Variants in STK4 observed in about 807,000 individuals in gnomAD.
The protein encoded by STK4 is serine/threonine-protein kinase 4.
A neutral mutation model predicts 64.9 loss-of-function variants in STK4; 30 were observed. The ratio of observed to expected loss-of-function variants is 0.46; its 90% confidence interval spans 0.35 to 0.63. The LOEUF (loss-of-function observed/expected upper bound fraction) is 0.63, where lower values mean the gene tolerates loss of function less well. Among genes scored for constraint, STK4 ranks in the 20% least tolerant of loss-of-function variants. The pLI is 0.01. For missense variants in STK4, 466 were observed against 598.5 expected (o/e 0.78, Z 2.31); for synonymous variants, 177 against 199.0 (o/e 0.89, Z 0.93).
chr20:45,045,744 T>C (rs772945143), intron 10 of STK4, among the ~76,000 whole-genome samples: 12 of 152,222 alleles, frequency 7.9e-5, no homozygotes, highest in Non-Finnish European at 1.6e-4. Flanking sequence ...CTTTCTTATT[T>C]ACTTTCTAAT....
chr20:44,975,188 C>G (rs1205884384), intron 2 of STK4: 2 of 191,948 alleles, frequency 1.0e-5, no homozygotes, highest in South Asian at 1.8e-4. Flanking sequence ...ATGTAAAACA[C>G]CTACTTCTCC....
At chr20:44,988,575 A>G (rs2067579101) in intron 5 of STK4, among the ~76,000 whole-genome samples, 1 of 139,334 alleles carries the variant, frequency 7.2e-6, no homozygotes, top group African/African-American at 2.7e-5. Flanking sequence ...ATATGTATCC[A>G]TTCCATTTAC....
intron 10 of STK4, among the ~76,000 whole-genome samples, chr20:45,026,706 G>T (rs759937694): frequency 3.3e-5 from 5 of 152,150 alleles, no homozygotes; most frequent in Non-Finnish European, 7.3e-5. Context: ...TATTCTAGTT[G>T]CTGTATTAAT....
At chr20:45,061,523 TATC>T (rs2145461089) in intron 10 of STK4, among the ~76,000 whole-genome samples, 1 of 152,310 alleles carries the variant, frequency 6.6e-6, no homozygotes, top group South Asian at 2.1e-4. Context: ...GCATCTTGGT[TATC>T]ATAAAGACTG....
intron 10 of STK4, among the ~76,000 whole-genome samples, chr20:45,072,867 A>G (rs556307477): frequency 6.6e-6 from 1 of 152,382 alleles, no homozygotes; most frequent in Non-Finnish European, 1.5e-5. Flanking sequence ...AACAACAGTG[A>G]TAACATCCAT....
intron 5 of STK4, among the ~76,000 whole-genome samples, chr20:44,992,126 A>G (rs2067645907): frequency 6.6e-6 from 1 of 152,006 alleles, no homozygotes; most frequent in South Asian, 2.1e-4. Flanking sequence ...ATAAGTTTCC[A>G]AATTTTATAT....
intron 3 of STK4, among the ~76,000 whole-genome samples, chr20:44,979,350 T>A (rs988988919): frequency 2.0e-5 from 3 of 152,160 alleles, no homozygotes; most frequent in South Asian, 2.1e-4. Flanking sequence ...TTAAAAAAAA[T>A]TATTCTAGCT....
intron 10 of STK4, among the ~76,000 whole-genome samples, chr20:45,035,067 AGT>A (rs1482502990): frequency 3.3e-5 from 5 of 152,174 alleles, no homozygotes; most frequent in Non-Finnish European, 7.3e-5. Flanking sequence ...ATTATATATG[AGT>A]GTATTATATA....
intron 10 of STK4, among the ~76,000 whole-genome samples, chr20:45,051,584 G>C (rs1024378575): frequency 3.9e-5 from 6 of 152,040 alleles, no homozygotes; most frequent in Non-Finnish European, 2.9e-5. Flanking sequence ...TTGTTGTGCT[G>C]GTATGTTTTC....
chr20:45,064,378 G>GT (rs368413962), intron 10 of STK4, among the ~76,000 whole-genome samples: 1,506 of 144,842 alleles, frequency 0.01, 20 homozygotes, highest in African/African-American at 0.033. Flanking sequence ...CTGCAGCTTT[G>GT]TTTTTTTTTT....
intron 9 of STK4, among the ~76,000 whole-genome samples, chr20:45,011,733 T>TATATATATATATA (rs1568719803): frequency 2.3e-5 from 2 of 87,748 alleles, no homozygotes; most frequent in Non-Finnish European, 4.4e-5. Context: ...ATATATATTT[T>TATATATATATATA]TTTTTTTTTT....
chr20:45,005,589 A>G (rs892752845), intron 9 of STK4, among the ~76,000 whole-genome samples: 5 of 146,752 alleles, frequency 3.4e-5, no homozygotes, highest in Admixed American at 6.9e-5. Context: ...CGGAGGTTGC[A>G]GTGAACCGAG....
chr20:44,995,156 G>C lies in STK4; in HGVS notation c.592G>C (p.Glu198Gln), dbSNP rs765887990. The C allele has an allele frequency of 6.2e-7, 1 of 1,613,952 alleles. No homozygotes were observed. The highest frequency in any genetic ancestry group is 1.7e-5 in the Admixed American group (1 of 60,008). ...PFWMAPEVIQEIGYNCVADIW... is the reference protein window; with the variant it reads ...PFWMAPEVIQQIGYNCVADIW... ...TTGGATGGCTCCAGAAGTGATTCAG[G>C]AAATTGGATACAACTGTGTAGCAGA... is the stretch of plus-strand genomic sequence containing the variant. Residue 198 changes from glutamate to glutamine, a missense_variant, in exon 6 of 11, where the codon GAA becomes CAA. Around this residue, in one of 2 missense-constraint regions of STK4, gnomAD observed 190 missense variants for 289.7 expected, o/e 0.66. Transcript: ENST00000372806.
At chr20:44,989,319 G>T (rs1454663097) in intron 5 of STK4, among the ~76,000 whole-genome samples, 1 of 152,122 alleles carries the variant, frequency 6.6e-6, no homozygotes, top group Admixed American at 6.5e-5. Context: ...GTATGAGGCA[G>T]TATCTCTTTG....
rs112550989 is a variant in STK4 at position 45,055,820 on chromosome 20, C to T, written c.1306-19198C>T. Among the ~76,000 whole-genome samples, 671 of 151,700 alleles carry T rather than the reference C, an allele frequency of 4.4e-3. 5 individuals are homozygous for T. Among genetic ancestry groups the T allele is most frequent in the African/African-American group, 0.016 (650 of 41,294 alleles). Reference sequence around the variant, plus strand: ...TGATCTTGGCTCACTGCAATCTTTGCCTCCCAGGTTCAAGCAATTCTCCTG... The same window carrying T: ...TGATCTTGGCTCACTGCAATCTTTGTCTCCCAGGTTCAAGCAATTCTCCTG... On this transcript the variant is annotated intron_variant, in intron 10 of 10. Transcript: ENST00000372806.
At chr20:45,048,181 C>T (rs2068724749) in intron 10 of STK4, among the ~76,000 whole-genome samples, 1 of 152,140 alleles carries the variant, frequency 6.6e-6, no homozygotes, top group South Asian at 2.1e-4. Context: ...GACTTGGATC[C>T]ATTGCTGGTT....
chr20:45,004,341 C>T (rs1378012780), intron 9 of STK4: 2 of 152,254 alleles, frequency 1.3e-5, no homozygotes, highest in African/African-American at 4.8e-5. Flanking sequence ...AGTGATTCCC[C>T]CATCTTGGCC....
At chr20:44,988,533 G>GTGTGTATATATATATATATATA (rs1221720136) in intron 5 of STK4, among the ~76,000 whole-genome samples, 2 of 101,584 alleles carry the variant, frequency 2.0e-5, no homozygotes, top group African/African-American at 9.5e-5. Flanking sequence ...ATGTGTGTGT[G>GTGTGTATATATATATATATATA]TATATATATA....
At chr20:44,982,095 C>CTGTCTCTCTCTCTCTCTCT in intron 4 of STK4, 152 bp downstream of exon 4, 1 of 518,896 alleles carries the variant, frequency 1.9e-6, no homozygotes, top group Non-Finnish European at 3.5e-6. Context: ...TTTTATGTCT[C>CTGTCTCTCTCTCTCTCTCT]CTAAGTGTGA....
Sources: gnomAD v4.1 joint callset for allele counts (sites outside exome capture counted in the v4.1 genomes callset) on GRCh38, gnomAD v4.1.1 for gene constraint, gnomAD v4.1.1 regional missense constraint, MANE v1.5 for transcripts, NCBI Gene and HGNC (gene_info 2026-07-23, HGNC 2026-07-21) for gene names.